The following STX11 variants were observed in gnomAD, a reference collection of about 807,000 sequenced individuals.
STX11 encodes syntaxin 11, also known as syntaxin-11.
STX11 carries 21 observed loss-of-function variants against 19.9 expected under a neutral mutation model. The observed-to-expected ratio is 1.06, with a 90% confidence interval of 0.75 to 1.52. STX11 has a LOEUF of 1.52. Among genes scored for constraint, STX11 ranks in the 40% most tolerant of loss-of-function variants. STX11 has a pLI of 0.00. For missense variants in STX11, 438 were observed against 405.9 expected, an observed-to-expected ratio of 1.08 and a Z score of -0.68; for synonymous variants, 193 against 174.4, an observed-to-expected ratio of 1.11 and a Z score of -0.84.
At position 144,151,492 on chromosome 6, in the gene STX11, A is replaced by G. The variant is rs1174531723; in HGVS notation, c.-6+789A>G. On this transcript the variant is annotated intron_variant, in intron 1 of 1. Coordinates refer to ENST00000367568, the MANE Select transcript of STX11 (RefSeq NM_003764.4). This position sits in a 1 kb window ranked among gnomAD's most constrained non-coding sequence, Gnocchi z 4.6. The stretch of plus-strand genomic sequence containing the variant: ...GAAAAGCGAGGCTTGCTTTAAAATG[A>G]GACTCTAGATGTGAAATGCCTGCCC... 1.1e-6 allele frequency: 1 copy of G among 946,332 alleles called. No homozygotes were observed. The highest frequency in any genetic ancestry group is 1.2e-4 in the East Asian group (1 of 8,602). The allele number at this position is 946,332 out of a possible 1,614,324, so 58.6% of individuals were successfully genotyped here.
Position 144,176,445 on chromosome 6 carries a change from C to T in STX11, c.-5-10178C>T, listed in dbSNP as rs1801779827. ...TGGATTTTATATCAGTTCTCAAGCA[C>T]AATGACTGGTTTGGGGTGCACACAG... On this transcript the variant is annotated intron_variant, in intron 1 of 1. Coordinates refer to ENST00000367568, the MANE Select transcript of STX11 (RefSeq NM_003764.4). The surrounding 1 kb of genome is among the most constrained non-coding windows in gnomAD (Gnocchi z 4.1). Among the ~76,000 whole-genome samples the T allele has an allele frequency of 6.6e-6, 1 of 152,208 alleles. No individual in the cohort carries two copies. Among genetic ancestry groups the T allele is most frequent in the African/African-American group, 2.4e-5 (1 of 41,452 alleles).
upstream of STX11, among the ~76,000 whole-genome samples, chr6:144,148,799 G>A (rs1201606074): frequency 6.6e-6 from 1 of 151,984 alleles, no homozygotes; most frequent in Non-Finnish European, 1.5e-5. Flanking sequence ...TGGCTATGTC[G>A]GCCAGATCAG....
chr6:144,157,843 T>A (rs1801213129), intron 1 of STX11, among the ~76,000 whole-genome samples: 1 of 152,052 alleles, frequency 6.6e-6, no homozygotes, highest in South Asian at 2.1e-4. Flanking sequence ...GTTGAACAAT[T>A]TTGTGATATT....
chr6:144,158,589 G>A (rs1801239523), intron 1 of STX11, among the ~76,000 whole-genome samples: 1 of 151,624 alleles, frequency 6.6e-6, no homozygotes, highest in African/African-American at 2.4e-5. Context: ...ATAACTTACA[G>A]GATAATGTTA....
the STX11 span, among the ~76,000 whole-genome samples, chr6:144,140,255 T>TG: frequency 9.1e-5 from 3 of 33,022 alleles, no homozygotes; most frequent in South Asian, 1.2e-3. Flanking sequence ...TATATATATA[T>TG]TTATTTATTT....
intron 1 of STX11, among the ~76,000 whole-genome samples, chr6:144,157,866 GCTCT>G (rs1801214303): frequency 6.6e-6 from 1 of 151,352 alleles, no homozygotes; most frequent in Non-Finnish European, 1.5e-5. Flanking sequence ...GGTTCCCCCC[GCTCT>G]CTCTCTCGCT....
At chr6:144,143,453 C>A in the STX11 span, among the ~76,000 whole-genome samples, 1 of 152,022 alleles carries the variant, frequency 6.6e-6, no homozygotes, top group Admixed American at 6.6e-5. Context: ...TGGAGGGGAG[C>A]TGTAATGGAA....
At chr6:144,148,542 T>A (rs1330689997), upstream of STX11, among the ~76,000 whole-genome samples, 6 of 152,240 alleles carry the variant, frequency 3.9e-5, no homozygotes, top group African/African-American at 1.4e-4. Flanking sequence ...CCATTTCAGA[T>A]TTCCCTATGA....
At chr6:144,173,641 TTGTC>T (rs1185940102) in intron 1 of STX11, among the ~76,000 whole-genome samples, 2 of 152,226 alleles carry the variant, frequency 1.3e-5, no homozygotes, top group East Asian at 1.9e-4. Context: ...ACTTTCAACA[TTGTC>T]TGGAGATCTT....
intron 1 of STX11, among the ~76,000 whole-genome samples, chr6:144,156,024 CTCCTTCCTTCCT>C (rs1240238433): frequency 1.9e-5 from 2 of 102,798 alleles, no homozygotes; most frequent in Admixed American, 1.0e-4. Flanking sequence ...CTCTCTTTCT[CTCCTTCCTTCCT>C]TCCTTCCTTC....
rs1226899603 is a variant in STX11 at position 144,169,173 on chromosome 6, A to G, written c.-5-17450A>G. Among the ~76,000 whole-genome samples, 1 of 152,244 alleles carries G rather than the reference A, an allele frequency of 6.6e-6. No individual in the cohort carries two copies. The highest frequency in any genetic ancestry group is 1.5e-5 in the Non-Finnish European group (1 of 68,046). On this transcript the variant is annotated intron_variant, in intron 1 of 1. Transcript: ENST00000367568. The surrounding 1 kb of genome is among the most constrained non-coding windows in gnomAD (Gnocchi z 5.2). The stretch of plus-strand genomic sequence containing the variant: ...GATTACACTTATGCATGCCTGCTGC[A>G]TCAGCACATCCCTGCACAGTTGTTC...
At chr6:144,171,738 C>G (rs1011630514) in intron 1 of STX11, among the ~76,000 whole-genome samples, 1 of 151,290 alleles carries the variant, frequency 6.6e-6, no homozygotes, top group African/African-American at 2.4e-5. Context: ...TTCTCCTCAC[C>G]GTAAGTATGA....
the STX11 span, among the ~76,000 whole-genome samples, chr6:144,143,770 C>T: frequency 2.0e-5 from 3 of 152,150 alleles, no homozygotes; most frequent in Admixed American, 2.0e-4. Flanking sequence ...ATCTCTGACA[C>T]ATGCTGATAC....
upstream of STX11, among the ~76,000 whole-genome samples, chr6:144,148,574 C>T (rs1472367289): frequency 6.6e-6 from 1 of 152,138 alleles, no homozygotes; most frequent in Non-Finnish European, 1.5e-5. Flanking sequence ...CATTACATTC[C>T]TCACAACTAA....
Position 144,166,940 on chromosome 6 carries a change from A to G in STX11, c.-6+16237A>G, listed in dbSNP as rs1221444032. Reference sequence around the variant, plus strand: ...TTTTTACCTGACTTCACCTGCACAAAAATTTTGTTGATGGAAAGTACAGTG... The same window carrying G: ...TTTTTACCTGACTTCACCTGCACAAGAATTTTGTTGATGGAAAGTACAGTG... On this transcript the variant is annotated intron_variant, in intron 1 of 1. Transcript: ENST00000367568. 7.3e-5 allele frequency among the ~76,000 whole-genome samples: 11 copies of G among 151,502 alleles called. No homozygotes were observed. The East Asian group carries it at 2.1e-3, about 29-fold the overall frequency.
rs1802053311 is a variant in STX11, at chr6:144,186,843, C to T, written c.216C>T (p.Phe72=). The T allele has an allele frequency of 6.2e-7, 1 of 1,613,258 alleles. No homozygotes were observed. Among genetic ancestry groups the T allele is most frequent in the African/African-American group, 1.3e-5 (1 of 74,930 alleles). The part of the protein sequence containing the change: ...VKRLGKQNAR[F]LTSMRRLSSI... Reference sequence around the variant, plus strand: ...GGCTGGGAAAGCAGAACGCCCGCTTCCTCACGTCCATGCGGCGCCTCAGCA... The same window carrying T: ...GGCTGGGAAAGCAGAACGCCCGCTTTCTCACGTCCATGCGGCGCCTCAGCA... Residue 72 remains phenylalanine, a synonymous_variant, in exon 2 of 2, where the codon TTC becomes TTT. Coordinates refer to ENST00000367568, the MANE Select transcript of STX11 (RefSeq NM_003764.4).
Position 144,188,725 on chromosome 6 carries a change from CTTTT to C in STX11, c.*1250_*1253del, listed in dbSNP as rs11356106. 2.5e-5 allele frequency among the ~76,000 whole-genome samples: 3 copies of C among 117,918 alleles called. No homozygotes were observed. Among genetic ancestry groups the C allele is most frequent in the South Asian group, 2.5e-4 (1 of 3,936 alleles). The allele number at this position is 117,918 out of a possible 152,430, so 77.4% of individuals were successfully genotyped here. A position where few individuals can be genotyped will look rare whatever the true frequency, so the allele number is the denominator to read the frequency against. On this transcript the variant is annotated 3_prime_UTR_variant, in exon 2 of 2. Coordinates refer to ENST00000367568, the MANE Select transcript of STX11 (RefSeq NM_003764.4). ...ATTATTGTTAAAATTTTTCTTTTTC[CTTTT>C]TTTTTTTTTTTTTTTGAGATGGAGT... is the stretch of plus-strand genomic sequence containing the variant.
chr6:144,168,024 C>T (rs1005252838), intron 1 of STX11, among the ~76,000 whole-genome samples: 1 of 152,192 alleles, frequency 6.6e-6, no homozygotes, highest in African/African-American at 2.4e-5. Context: ...CAACTAAGCC[C>T]AGTAGCATCA....
chr6:144,150,385 A>T (rs1800965714), upstream of STX11: 1 of 637,800 alleles, frequency 1.6e-6, no homozygotes, highest in South Asian at 6.9e-5. Flanking sequence ...GAGCGCATGG[A>T]CTCTGGGTGG....
Sources: allele counts gnomAD v4.1 joint callset (sites outside exome capture counted in the v4.1 genomes callset), GRCh38; gene constraint gnomAD v4.1.1; non-coding constraint Gnocchi (gnomAD v3.1); transcripts MANE v1.5; gene names NCBI Gene and HGNC (gene_info 2026-07-23, HGNC 2026-07-21).